Variants in STAM observed in about 807,000 individuals in gnomAD.
The protein encoded by STAM is signal transducing adapter molecule 1.
In STAM, 16 loss-of-function variants were observed where a neutral mutation model predicts 63.4. The observed-to-expected ratio is 0.25, with a 90% CI of 0.17 to 0.38. The LOEUF is 0.38. STAM is among the 10% of genes least tolerant of loss of function. The probability of loss-of-function intolerance (pLI) is 1.00; values close to 1 mark genes in which losing one functional copy is unlikely to be tolerated. For missense variants in STAM, 636 were observed against 657.1 expected, an observed-to-expected ratio of 0.97 and a Z score of 0.35; for synonymous variants, 238 against 223.9, an observed-to-expected ratio of 1.06 and a Z score of -0.56.
At chr10:17,648,292 T>C (rs1419179068) in intron 1 of STAM, among the ~76,000 whole-genome samples, 1 of 151,854 alleles carries the variant, frequency 6.6e-6, no homozygotes, top group Non-Finnish European at 1.5e-5. Context: ...TAGCTGGAGG[T>C]TTGTAAAATG....
chr10:17,679,323 T>C (rs185610978), intron 2 of STAM, among the ~76,000 whole-genome samples: 64 of 152,338 alleles, frequency 4.2e-4, no homozygotes, highest in Middle Eastern at 6.8e-3. Flanking sequence ...CTAGCGATGT[T>C]GAGCATTTGT....
intron 2 of STAM, among the ~76,000 whole-genome samples, chr10:17,662,064 A>C (rs2131585304): frequency 6.6e-6 from 1 of 152,296 alleles, no homozygotes; most frequent in South Asian, 2.1e-4. Context: ...TAGGCTAGCG[A>C]ATTAACCCAC....
At chr10:17,657,735 T>A (rs926022185) in intron 1 of STAM, among the ~76,000 whole-genome samples, 4 of 152,186 alleles carry the variant, frequency 2.6e-5, no homozygotes, top group Admixed American at 6.5e-5. Flanking sequence ...GGTTATCAAT[T>A]TTGTGGGCAT....
chr10:17,657,849 C>CTCTCT (rs1554822341), intron 1 of STAM, among the ~76,000 whole-genome samples: 15,233 of 144,402 alleles, frequency 0.11, 818 homozygotes, highest in Middle Eastern at 0.17. Flanking sequence ...TTTTCTCTCT[C>CTCTCT]TTTTTTTTTT....
rs1238476803 is a variant in STAM, at chr10:17,715,406, T to G, written c.*626T>G. The G allele has an allele frequency of 6.5e-6, 1 of 154,474 alleles. No individual in the cohort carries two copies. Among genetic ancestry groups the G allele is most frequent in the Non-Finnish European group, 1.4e-5 (1 of 69,468 alleles). 9.6% of individuals were successfully genotyped at this position (154,474 alleles called of 1,614,324 possible). ...CTAAAGAGATATATATATATATGTG[T>G]GTGTATATATATATATCTACATGTC... On this transcript the variant is annotated 3_prime_UTR_variant, in exon 14 of 14. Transcript: ENST00000377524.
Position 17,715,178 on chromosome 10 carries a change from CTG to C in STAM, c.*402_*403del, listed in dbSNP as rs1350610280. On this transcript the variant is annotated 3_prime_UTR_variant, in exon 14 of 14. Coordinates refer to ENST00000377524, the MANE Select transcript of STAM (RefSeq NM_003473.4). ...GGTGATCGTGTGAATATATTTAACA[CTG>C]TGTTAAATTAATTTACGTTGCTATT... The C allele has an allele frequency of 2.1e-5, 4 of 189,228 alleles. No individual in the cohort carries two copies. The highest frequency in any genetic ancestry group is 1.2e-4 in the East Asian group (1 of 8,330). 11.7% of individuals were successfully genotyped at this position (189,228 alleles called of 1,614,324 possible). A position where few individuals can be genotyped will look rare whatever the true frequency, so the allele number is the denominator to read the frequency against.
intron 2 of STAM, among the ~76,000 whole-genome samples, chr10:17,684,454 A>G (rs1014199974): frequency 2.0e-5 from 3 of 152,076 alleles, no homozygotes; most frequent in Non-Finnish European, 2.9e-5. Context: ...ATTAGCCTGA[A>G]ATGCCTCATC....
chr10:17,656,682 G>T (rs1299142263), intron 1 of STAM, among the ~76,000 whole-genome samples: 3 of 152,150 alleles, frequency 2.0e-5, no homozygotes, highest in Non-Finnish European at 4.4e-5. Context: ...ATCGGTGGAA[G>T]GTATCTGAGT....
chr10:17,657,328 G>T (rs1833981596), intron 1 of STAM, among the ~76,000 whole-genome samples: 1 of 152,146 alleles, frequency 6.6e-6, no homozygotes, highest in African/African-American at 2.4e-5. Context: ...GTGGGTGTGG[G>T]AGAACCCTCT....
chr10:17,691,993 A>G (rs1336746546), intron 5 of STAM, among the ~76,000 whole-genome samples: 3 of 152,226 alleles, frequency 2.0e-5, no homozygotes, highest in Admixed American at 6.5e-5. Flanking sequence ...GTAATGTTAC[A>G]TACTTTTTGT....
chr10:17,666,649 G>A (rs1834399754), intron 2 of STAM, among the ~76,000 whole-genome samples: 1 of 152,016 alleles, frequency 6.6e-6, no homozygotes, highest in Admixed American at 6.5e-5. Flanking sequence ...TGCCCGCCTT[G>A]GCCTCCCAAA....
chr10:17,673,675 G>A (rs145280352), intron 2 of STAM, among the ~76,000 whole-genome samples: 2 of 152,114 alleles, frequency 1.3e-5, no homozygotes, highest in African/African-American at 2.4e-5. Context: ...GAAAAACCCC[G>A]CAAACCAACC....
chr10:17,704,919 C>T (rs782020889), intron 10 of STAM, 51 bp from the exon 11 acceptor site: 27 of 1,420,512 alleles, frequency 1.9e-5, no homozygotes, highest in South Asian at 2.4e-5. Flanking sequence ...CAAAGGTTCA[C>T]ATTTTTTTTT....
chr10:17,664,241 G>A (rs1207792590), intron 2 of STAM, among the ~76,000 whole-genome samples: 2 of 151,990 alleles, frequency 1.3e-5, no homozygotes, highest in East Asian at 3.9e-4. Flanking sequence ...GGATACTTAT[G>A]GTGGCATTCC....
intron 9 of STAM, among the ~76,000 whole-genome samples, chr10:17,702,531 C>T (rs1836043161): frequency 6.6e-6 from 1 of 152,102 alleles, no homozygotes; most frequent in Non-Finnish European, 1.5e-5. Context: ...TCCTTTGTAA[C>T]ATTTTAAATG....
chr10:17,665,688 A>C (rs1193185276), intron 2 of STAM, among the ~76,000 whole-genome samples: 1 of 151,928 alleles, frequency 6.6e-6, no homozygotes, highest in Non-Finnish European at 1.5e-5. Context: ...ATAATTACTG[A>C]ATGAAAATTA....
At chr10:17,711,979 G>C (rs1554830144) in intron 13 of STAM, among the ~76,000 whole-genome samples, 1 of 152,192 alleles carries the variant, frequency 6.6e-6, no homozygotes, top group African/African-American at 2.4e-5. Context: ...TAGGAGATTA[G>C]CAAATAATTA....
chr10:17,666,688 T>C lies in STAM; in HGVS notation c.125+6140T>C, dbSNP rs968633450. Among the ~76,000 whole-genome samples the C allele has an allele frequency of 5.9e-5, 9 of 152,296 alleles. No homozygotes were observed. In the South Asian group the frequency reaches 1.9e-3, roughly 32 times the overall value. On this transcript the variant is annotated intron_variant, in intron 2 of 13. Transcript: ENST00000377524. ...CTGGGATTACAGGCATGAGCCACCC[T>C]GCCTGGCCTTTGGCTTTGTATTGTT...
At chr10:17,665,191 TAAAAAG>T (rs1251975714) in intron 2 of STAM, among the ~76,000 whole-genome samples, 1 of 152,094 alleles carries the variant, frequency 6.6e-6, no homozygotes, top group Admixed American at 6.5e-5. Context: ...TTCCTTCTCT[TAAAAAG>T]GAAAAAACCA....
Sources: gnomAD v4.1 joint callset for allele counts (sites outside exome capture counted in the v4.1 genomes callset) on GRCh38, gnomAD v4.1.1 for gene constraint, MANE v1.5 for transcripts, NCBI Gene and HGNC (gene_info 2026-07-23, HGNC 2026-07-21) for gene names.